Variants in PRH1 observed in about 807,000 individuals in gnomAD.
PRH1 encodes proline rich protein HaeIII subfamily 1.
A neutral mutation model predicts 7.9 loss-of-function variants in PRH1; 7 were observed. The observed-to-expected ratio is 0.89, with a 90% CI of 0.50 to 1.67. The LOEUF is 1.67. PRH1 is among the 40% of genes most tolerant of loss of function. PRH1 has a pLI of 0.00. For synonymous variants in PRH1, 45 were observed against 80.8 expected, an observed-to-expected ratio of 0.56 and a Z score of 2.38; for missense variants, 109 against 223.6, an observed-to-expected ratio of 0.49 and a Z score of 3.27.
At chr12:11,143,404 C>T (rs1946764175) in intron 1 of PRH1, among the ~76,000 whole-genome samples, 1 of 151,858 alleles carries the variant, frequency 6.6e-6, no homozygotes. Flanking sequence ...TATCATATCA[C>T]CAGAGAAAAT....
exon 1 of PRH1, chr12:11,047,170 G>C (rs1195985674): frequency 1.2e-5 from 5 of 402,700 alleles, no homozygotes; most frequent in Non-Finnish European, 2.7e-5. Flanking sequence ...TTGGGGCCTT[G>C]AGCCAAATGC....
intron 1 of PRH1, among the ~76,000 whole-genome samples, chr12:11,139,218 A>T (rs1488291540): frequency 6.6e-6 from 1 of 152,162 alleles, no homozygotes; most frequent in African/African-American, 2.4e-5. Flanking sequence ...TTATTGGGGA[A>T]TATAACATAC....
At chr12:11,035,563 T>TA (rs1482517586) in intron 1 of PRH1, among the ~76,000 whole-genome samples, 2 of 152,150 alleles carry the variant, frequency 1.3e-5, no homozygotes, top group Non-Finnish European at 2.9e-5. Flanking sequence ...ACCAAGTTAT[T>TA]AAAAAAAGAG....
At chr12:10,941,417 G>A (rs1211036142) in intron 2 of PRH1, among the ~76,000 whole-genome samples, 2 of 152,150 alleles carry the variant, frequency 1.3e-5, no homozygotes, top group African/African-American at 4.8e-5. Flanking sequence ...GAAGAGCAGT[G>A]TCTTAATCCA....
rs372163504 is a variant in PRH1, at chr12:11,021,983, G to T, written c.-126+25037C>A. On this transcript the variant is annotated intron_variant, in intron 1 of 3. Transcript: ENST00000539853. ...TGTTTACAAAGAGAACAGATTAACA[G>T]CAGAAAACATATTAGGCTCAGAGTA... is the stretch of plus-strand genomic sequence containing the variant. The T allele has an allele frequency of 3.1e-6, 5 of 1,599,502 alleles. No individual in the cohort carries two copies. The African/African-American group carries it at 6.9e-5, about 22-fold the overall frequency.
At chr12:11,134,203 C>T in intron 1 of PRH1, 1 of 1,613,618 alleles carries the variant, frequency 6.2e-7, no homozygotes. Flanking sequence ...CAAATATAAC[C>T]ACTATTAGAA....
intron 1 of PRH1, among the ~76,000 whole-genome samples, chr12:11,011,959 A>C (rs2136043834): frequency 6.6e-6 from 1 of 152,218 alleles, no homozygotes; most frequent in African/African-American, 2.4e-5. Flanking sequence ...TTTCCCAATC[A>C]TGTTTTCAGC....
intron 1 of PRH1, among the ~76,000 whole-genome samples, chr12:11,168,533 A>G (rs1334897354): frequency 6.6e-6 from 1 of 152,146 alleles, no homozygotes; most frequent in East Asian, 1.9e-4. Context: ...AGTTTTCGTC[A>G]AGGCTTTCAA....
chr12:10,881,683 A>C (rs1004339778), intron 3 of PRH1, among the ~76,000 whole-genome samples: 7 of 152,192 alleles, frequency 4.6e-5, no homozygotes, highest in African/African-American at 1.7e-4. Flanking sequence ...GAAGGGAGGA[A>C]AGATGAGTTA....
intron 2 of PRH1, among the ~76,000 whole-genome samples, chr12:10,972,474 T>C (rs1212405578): frequency 6.6e-6 from 1 of 152,198 alleles, no homozygotes; most frequent in African/African-American, 2.4e-5. Context: ...TAACTACTAT[T>C]CATACACTGT....
chr12:11,160,971 ACT>A, intron 1 of PRH1, among the ~76,000 whole-genome samples: 2 of 152,152 alleles, frequency 1.3e-5, no homozygotes, highest in South Asian at 4.2e-4. Context: ...TTCATGTTCT[ACT>A]CTTTTTTCTA....
rs1206603779 is a variant in PRH1 at position 11,065,801 on chromosome 12, A to C, written n.124-18613T>G. On this transcript the variant is annotated intron_variant and non_coding_transcript_variant, in intron 1 of 4. Transcript: ENST00000541977. ...AATACTTAGGTCACAGAAGAGATTA[A>C]AATTATGGTCTACGCATTCTCCTGC... Among the ~76,000 whole-genome samples, 3 of 152,298 alleles carry C rather than the reference A, an allele frequency of 2.0e-5. No individual in the cohort carries two copies. In the East Asian group the frequency reaches 5.8e-4, roughly 29 times the overall value.
chr12:10,903,113 C>G (rs888912265), intron 2 of PRH1, among the ~76,000 whole-genome samples: 2 of 151,934 alleles, frequency 1.3e-5, no homozygotes, highest in African/African-American at 2.4e-5. Context: ...TTCAAGAGAC[C>G]CATCTCACAT....
At chr12:11,046,813 T>C (rs1942915950) in intron 1 of PRH1, among the ~76,000 whole-genome samples, 1 of 152,196 alleles carries the variant, frequency 6.6e-6, no homozygotes, top group Non-Finnish European at 1.5e-5. Flanking sequence ...GGCCCACTAT[T>C]TCATGTAGAA....
At chr12:10,955,296 A>G (rs182393329) in intron 2 of PRH1, among the ~76,000 whole-genome samples, 1 of 152,314 alleles carries the variant, frequency 6.6e-6, no homozygotes, top group Admixed American at 6.5e-5. Flanking sequence ...AAACCATATA[A>G]TTACATAGAA....
chr12:10,923,408 C>G (rs142013839), intron 2 of PRH1, among the ~76,000 whole-genome samples: 1 of 152,188 alleles, frequency 6.6e-6, no homozygotes, highest in Admixed American at 6.5e-5. Flanking sequence ...GAATTACAGG[C>G]GTGAGCCAAC....
intron 1 of PRH1, among the ~76,000 whole-genome samples, chr12:11,024,825 T>A (rs959836610): frequency 6.6e-6 from 1 of 152,278 alleles, no homozygotes; most frequent in Non-Finnish European, 1.5e-5. Flanking sequence ...TTGATTATGA[T>A]GTTCAAATTC....
At chr12:11,046,908 T>A in intron 1 of PRH1, 1 of 411,722 alleles carries the variant, frequency 2.4e-6, no homozygotes, top group Non-Finnish European at 5.4e-6. Context: ...GGGAGAATAT[T>A]GGCATCATCC....
At chr12:11,117,103 C>T (rs1945752671), downstream of PRH1, among the ~76,000 whole-genome samples, 1 of 152,138 alleles carries the variant, frequency 6.6e-6, no homozygotes, top group African/African-American at 2.4e-5. Context: ...AGAGCATCCA[C>T]ATAGGAAAGG....
Sources: gnomAD v4.1 joint callset for allele counts (sites outside exome capture counted in the v4.1 genomes callset) on GRCh38, gnomAD v4.1.1 for gene constraint, MANE v1.5 for transcripts, NCBI Gene and HGNC (gene_info 2026-07-23, HGNC 2026-07-21) for gene names.